The following ZBTB20 variants were observed in gnomAD, a reference collection of about 807,000 sequenced individuals.
ZBTB20 encodes the protein zinc finger and BTB domain containing 20.
Under a neutral mutation model 56.9 loss-of-function variants are expected in ZBTB20, and 9 were observed. The observed-to-expected ratio is 0.16, with a 90% CI of 0.10 to 0.28. ZBTB20 has a LOEUF of 0.28. Ranked by LOEUF, ZBTB20 falls within the 10% of genes least tolerant of loss-of-function variation. The pLI is 1.00. For synonymous variants in ZBTB20, 417 were observed against 420.7 expected (o/e 0.99, Z 0.11); for missense variants, 655 against 1,003.0 (o/e 0.65, Z 4.69).
chr3:114,485,309 A>G (rs1275210639), intron 7 of ZBTB20, among the ~76,000 whole-genome samples: 1 of 152,224 alleles, frequency 6.6e-6, no homozygotes, highest in East Asian at 1.9e-4. Flanking sequence ...CATGTTTTTT[A>G]TTCCATCTTA....
At chr3:114,496,808 G>A (rs991614776) in intron 7 of ZBTB20, among the ~76,000 whole-genome samples, 1 of 152,076 alleles carries the variant, frequency 6.6e-6, no homozygotes, top group Non-Finnish European at 1.5e-5. Flanking sequence ...AGGAAATTGG[G>A]GCATTGATTG....
At chr3:114,709,348 GA>G (rs2063910399) in intron 5 of ZBTB20, among the ~76,000 whole-genome samples, 1 of 152,046 alleles carries the variant, frequency 6.6e-6, no homozygotes, top group South Asian at 2.1e-4. Context: ...AATTGTGCAA[GA>G]GACCACAAAT....
intron 6 of ZBTB20, among the ~76,000 whole-genome samples, chr3:114,575,055 A>T (rs1268425305): frequency 6.6e-6 from 1 of 152,232 alleles, no homozygotes; most frequent in Non-Finnish European, 1.5e-5. Flanking sequence ...AATAAAAAAA[A>T]GTGGCCTACA....
chr3:114,471,060 T>C (rs1230536231), intron 7 of ZBTB20, among the ~76,000 whole-genome samples: 1 of 152,194 alleles, frequency 6.6e-6, no homozygotes, highest in African/African-American at 2.4e-5. Flanking sequence ...GACATTATTT[T>C]GTGTATAAAA....
At chr3:114,947,873 C>A (rs372558536) in intron 3 of ZBTB20, among the ~76,000 whole-genome samples, 2 of 144,592 alleles carry the variant, frequency 1.4e-5, no homozygotes, top group Middle Eastern at 3.4e-3. Context: ...TAAATTATTT[C>A]AAAAATTTAA....
intron 2 of ZBTB20, among the ~76,000 whole-genome samples, chr3:115,064,440 A>ATT: frequency 7.6e-6 from 1 of 132,272 alleles, no homozygotes; most frequent in South Asian, 2.6e-4. Flanking sequence ...TTCTCTCATA[A>ATT]TTCTTTTTTT....
intron 4 of ZBTB20, among the ~76,000 whole-genome samples, chr3:114,839,406 TGAAAGAAAGAAAGAAAGAAA>T (rs748321783): frequency 2.6e-4 from 19 of 72,770 alleles, no homozygotes; most frequent in African/African-American, 9.9e-4. Context: ...AGAGCCTGTC[TGAAAGAAAGAAAGAAAGAAA>T]GAAAGAAAGA....
chr3:114,347,659 G>A (rs1019398058), intron 11 of ZBTB20, among the ~76,000 whole-genome samples: 2 of 152,112 alleles, frequency 1.3e-5, no homozygotes, highest in Non-Finnish European at 2.9e-5. Context: ...TAGACCAATT[G>A]TTCTAAAACT....
chr3:114,962,543 T>C (rs1346396362), intron 3 of ZBTB20, among the ~76,000 whole-genome samples: 4 of 152,172 alleles, frequency 2.6e-5, no homozygotes, highest in Non-Finnish European at 5.9e-5. Flanking sequence ...TAGATCCTGG[T>C]ATTCCCCCTT....
chr3:115,118,634 G>T (rs1385673025), intron 1 of ZBTB20, among the ~76,000 whole-genome samples: 4 of 150,290 alleles, frequency 2.7e-5, no homozygotes, highest in African/African-American at 9.8e-5. Context: ...ATTTGGCTAG[G>T]TCTAAATAAG....
chr3:114,538,622 C>T (rs1420319496), intron 6 of ZBTB20, among the ~76,000 whole-genome samples: 3 of 152,108 alleles, frequency 2.0e-5, no homozygotes, highest in African/African-American at 4.8e-5. Flanking sequence ...AGGTAACCAA[C>T]CACGCAGTTT....
chr3:115,109,585 T>C (rs1020548188), intron 1 of ZBTB20, among the ~76,000 whole-genome samples: 8 of 152,154 alleles, frequency 5.3e-5, no homozygotes, highest in Non-Finnish European at 8.8e-5. Flanking sequence ...ACAGACCTAA[T>C]AAGTAGTAAA....
At chr3:115,024,313 C>T (rs113325825) in intron 2 of ZBTB20, among the ~76,000 whole-genome samples, 20 of 151,008 alleles carry the variant, frequency 1.3e-4, no homozygotes, top group African/African-American at 2.4e-4. Flanking sequence ...TTCTTTGACA[C>T]GGAAGAGCTT....
chr3:114,665,105 A>T (rs916985862), intron 6 of ZBTB20, among the ~76,000 whole-genome samples: 2 of 152,094 alleles, frequency 1.3e-5, no homozygotes, highest in Non-Finnish European at 2.9e-5. Flanking sequence ...ATTCAAATAC[A>T]GTCGTTTGCC....
intron 6 of ZBTB20, among the ~76,000 whole-genome samples, chr3:114,514,106 C>T (rs1462392347): frequency 2.0e-5 from 3 of 151,960 alleles, no homozygotes; most frequent in South Asian, 2.1e-4. Flanking sequence ...AATCTCCAAA[C>T]CAGCTTGTTT....
chr3:114,854,441 C>A (rs920738676), intron 4 of ZBTB20, among the ~76,000 whole-genome samples: 4 of 152,142 alleles, frequency 2.6e-5, no homozygotes, highest in Non-Finnish European at 5.9e-5. Flanking sequence ...GAGTCTGCCT[C>A]TAGAAAAAAC....
chr3:114,937,004 G>C (rs946173047), intron 3 of ZBTB20, among the ~76,000 whole-genome samples: 1 of 152,224 alleles, frequency 6.6e-6, no homozygotes, highest in Non-Finnish European at 1.5e-5. Flanking sequence ...TCTGCATGCA[G>C]GAAAGTCCTG....
chr3:114,715,641 T>A (rs2064423560), intron 5 of ZBTB20, among the ~76,000 whole-genome samples: 1 of 152,180 alleles, frequency 6.6e-6, no homozygotes, highest in African/African-American at 2.4e-5. Flanking sequence ...AGAGATATAG[T>A]AATGGTTAAT....
chr3:114,597,940 T>G (rs2107608683), intron 6 of ZBTB20, among the ~76,000 whole-genome samples: 1 of 152,280 alleles, frequency 6.6e-6, no homozygotes, highest in East Asian at 1.9e-4. Context: ...ATAATTATTT[T>G]CCCTGTCTTT....
Sources: gnomAD v4.1 joint callset for allele counts (sites outside exome capture counted in the v4.1 genomes callset) on GRCh38, gnomAD v4.1.1 for gene constraint, MANE v1.5 for transcripts, NCBI Gene and HGNC (gene_info 2026-07-23, HGNC 2026-07-21) for gene names.